The following ZNF827 variants were observed in gnomAD, a reference collection of about 807,000 sequenced individuals.
The protein encoded by ZNF827 is zinc finger protein 827.
ZNF827 carries 13 observed loss-of-function variants against 102.4 expected under a neutral mutation model. The observed-to-expected ratio is 0.13, with a 90% confidence interval of 0.08 to 0.20. The LOEUF is 0.20. ZNF827 is among the 10% of genes least tolerant of loss of function. The probability of loss-of-function intolerance (pLI) is 1.00; values close to 1 mark genes in which losing one functional copy is unlikely to be tolerated. For missense variants in ZNF827, 1,103 were observed against 1,344.4 expected (o/e 0.82, Z 2.81); for synonymous variants, 523 against 536.2 (o/e 0.98, Z 0.34).
Position 145,870,297 on chromosome 4 carries a change from T to A in ZNF827, c.1929A>T (p.Leu643=). The stretch of plus-strand genomic sequence containing the variant: ...CTGCTTTGACTGACACATCCCGCCT[T>A]AGCACACTTCCCTTCCCTTCCTGGG... The part of the protein sequence containing the change: ...LKPQEGKGSV[L]RRDVSVKAAS... The change falls in exon 5 of 15, where the codon CTA becomes CTT. Residue 643 remains leucine, a synonymous_variant. Transcript: ENST00000508784. 6.2e-7 allele frequency: 1 copy of A among 1,614,168 alleles called. No homozygotes were observed. Among genetic ancestry groups the A allele is most frequent in the Non-Finnish European group, 8.5e-7 (1 of 1,180,006 alleles).
At chr4:145,792,609 G>A (rs759594490) in intron 8 of ZNF827, among the ~76,000 whole-genome samples, 8 of 151,946 alleles carry the variant, frequency 5.3e-5, no homozygotes, top group African/African-American at 1.5e-4. Context: ...GCTAACTGCC[G>A]CCTCGAATTC....
At chr4:145,856,445 T>C (rs1238414329) in intron 5 of ZNF827, among the ~76,000 whole-genome samples, 1 of 152,176 alleles carries the variant, frequency 6.6e-6, no homozygotes, top group Non-Finnish European at 1.5e-5. Flanking sequence ...ACTCCAATAC[T>C]GGGGCTTGCC....
intron 9 of ZNF827, among the ~76,000 whole-genome samples, chr4:145,776,667 G>A (rs1737162618): frequency 6.6e-6 from 1 of 152,216 alleles, no homozygotes; most frequent in East Asian, 1.9e-4. Flanking sequence ...GAGCAGGGGA[G>A]GGGGAATAAA....
intron 1 of ZNF827, among the ~76,000 whole-genome samples, chr4:145,925,140 C>T (rs557903916): frequency 1.3e-5 from 2 of 152,258 alleles, no homozygotes; most frequent in Admixed American, 1.3e-4. Context: ...AGACTATTCA[C>T]TATCACGAGA....
intron 8 of ZNF827, among the ~76,000 whole-genome samples, chr4:145,792,519 G>A (rs1193241242): frequency 6.7e-6 from 1 of 149,864 alleles, no homozygotes; most frequent in Non-Finnish European, 1.5e-5. Flanking sequence ...CAAAAGCCTA[G>A]GAATAGATAT....
chr4:145,926,166 T>C lies in ZNF827; in HGVS notation c.43+12199A>G, dbSNP rs184707416. Reference sequence around the variant, plus strand: ...CTGACACACTTTGCTCAATTAGTGCTGGTGAAATGAATGAATGAATGAACA... The same window carrying C: ...CTGACACACTTTGCTCAATTAGTGCCGGTGAAATGAATGAATGAATGAACA... On this transcript the variant is annotated intron_variant, in intron 1 of 14. Transcript: ENST00000508784. 1.8e-4 allele frequency among the ~76,000 whole-genome samples: 28 copies of C among 152,354 alleles called. No homozygotes were observed. The East Asian group carries it at 2.9e-3, about 16-fold the overall frequency.
chr4:145,803,556 A>G (rs1016649945), intron 8 of ZNF827, among the ~76,000 whole-genome samples: 2 of 152,242 alleles, frequency 1.3e-5, no homozygotes, highest in African/African-American at 4.8e-5. Flanking sequence ...ATATAGTCTG[A>G]GAGGCACAGA....
chr4:145,815,367 A>G (rs547387164), intron 8 of ZNF827, among the ~76,000 whole-genome samples: 2 of 152,342 alleles, frequency 1.3e-5, no homozygotes, highest in African/African-American at 4.8e-5. Context: ...TCTTGCTAAG[A>G]GACACAATGA....
At chr4:145,851,231 C>T in intron 5 of ZNF827, among the ~76,000 whole-genome samples, 1 of 152,120 alleles carries the variant, frequency 6.6e-6, no homozygotes, top group Admixed American at 6.5e-5. Flanking sequence ...TTCAAGCTTC[C>T]AACTTTGTGG....
At chr4:145,887,652 C>T (rs1234747192) in intron 3 of ZNF827, among the ~76,000 whole-genome samples, 1 of 152,182 alleles carries the variant, frequency 6.6e-6, no homozygotes, top group Non-Finnish European at 1.5e-5. Context: ...TGATTGTCAC[C>T]AGCTGTTAAC....
At chr4:145,868,369 G>A (rs552716249) in intron 5 of ZNF827, among the ~76,000 whole-genome samples, 9 of 151,210 alleles carry the variant, frequency 6.0e-5, no homozygotes, top group African/African-American at 2.2e-4. Flanking sequence ...TTTTTTTTCA[G>A]GGCAAAAATA....
chr4:145,898,752 C>G (rs1751174063), intron 2 of ZNF827, among the ~76,000 whole-genome samples: 1 of 152,134 alleles, frequency 6.6e-6, no homozygotes, highest in South Asian at 2.1e-4. Context: ...TACACCATGA[C>G]CTGGCAACCA....
chr4:145,877,374 A>G (rs1023945426), intron 4 of ZNF827, among the ~76,000 whole-genome samples: 99 of 152,344 alleles, frequency 6.5e-4, no homozygotes, highest in African/African-American at 2.4e-3. Context: ...GCCTTCTGAA[A>G]TCGTAAGAAA....
chr4:145,856,981 G>T (rs911667397), intron 5 of ZNF827, among the ~76,000 whole-genome samples: 1 of 83,226 alleles, frequency 1.2e-5, no homozygotes, highest in East Asian at 6.0e-4. Flanking sequence ...GCGCGCACGC[G>T]CACGCACACA....
chr4:145,926,048 A>G (rs551009253), intron 1 of ZNF827, among the ~76,000 whole-genome samples: 2 of 152,192 alleles, frequency 1.3e-5, no homozygotes, highest in Non-Finnish European at 2.9e-5. Flanking sequence ...CTGAATTTTA[A>G]TTATTTGTTT....
intron 1 of ZNF827, among the ~76,000 whole-genome samples, chr4:145,936,660 C>T (rs1173743596): frequency 1.3e-5 from 2 of 152,106 alleles, no homozygotes; most frequent in South Asian, 4.1e-4. Context: ...TGGGCAGGCA[C>T]CGCCGCGGTT....
rs1224634055 is a variant in ZNF827, at chr4:145,938,451, CAAAT to C, written c.-48_-45del. On this transcript the variant is annotated 5_prime_UTR_variant, in exon 1 of 15. Coordinates refer to ENST00000508784, the MANE Select transcript of ZNF827 (RefSeq NM_001306215.2). The stretch of plus-strand genomic sequence containing the variant: ...TTCTCCTCCTTGGTTAATGTGAGAT[CAAAT>C]AAACCCCCGTGGGGGCAGAGAGGCA... The C allele has an allele frequency of 1.9e-6, 3 of 1,578,156 alleles. No individual in the cohort carries two copies. The highest frequency in any genetic ancestry group is 1.7e-5 in the Admixed American group (1 of 57,302).
intron 8 of ZNF827, among the ~76,000 whole-genome samples, chr4:145,811,030 T>C (rs748829250): frequency 7.3e-5 from 11 of 151,672 alleles, no homozygotes; most frequent in Non-Finnish European, 1.0e-4. Context: ...TTCACTCTGT[T>C]GCCCAGGCTG....
intron 8 of ZNF827, among the ~76,000 whole-genome samples, chr4:145,781,507 C>T (rs1324748054): frequency 6.6e-6 from 1 of 152,176 alleles, no homozygotes; most frequent in Non-Finnish European, 1.5e-5. Context: ...ACTGATAAAG[C>T]ACATGAACTG....
Sources: gnomAD v4.1 joint callset for allele counts (sites outside exome capture counted in the v4.1 genomes callset) on GRCh38, gnomAD v4.1.1 for gene constraint, MANE v1.5 for transcripts, NCBI Gene and HGNC (gene_info 2026-07-23, HGNC 2026-07-21) for gene names.